The following MICAL2 variants were observed in gnomAD, a reference collection of about 807,000 sequenced individuals.
The protein encoded by MICAL2 is microtubule associated monooxygenase, calponin and LIM domain containing 2.
Under a neutral mutation model 127.3 loss-of-function variants are expected in MICAL2, and 77 were observed. That is an observed-to-expected ratio of 0.60 (90% CI 0.50 to 0.73). The LOEUF (loss-of-function observed/expected upper bound fraction) is 0.73. MICAL2 is among the 30% of genes least tolerant of loss of function. The pLI, the probability that MICAL2 is intolerant of heterozygous loss-of-function variation, is 0.00. For synonymous variants in MICAL2, 570 were observed against 551.1 expected (o/e 1.03, Z -0.48); for missense variants, 1,351 against 1,434.4 (o/e 0.94, Z 0.94).
In MICAL2 at chr11:12,244,349, A is replaced by G. The variant is rs528844173; in HGVS notation, c.2784+237A>G. Among the ~76,000 whole-genome samples the G allele has an allele frequency of 1.5e-4, 23 of 152,360 alleles. No homozygotes were observed. The South Asian group carries it at 2.3e-3, about 15-fold the overall frequency. ...CTCATTCATTCAGCAAGCATTAATC[A>G]GGGCCCACCGTATGCCACCCTTCGT... On this transcript the variant is annotated intron_variant, in intron 21 of 27. Coordinates refer to ENST00000683283, the MANE Select transcript of MICAL2 (RefSeq NM_001282663.2).
chr11:12,209,508 C>A lies in MICAL2; in HGVS notation c.601C>A (p.Arg201=). 1 of 1,613,700 alleles carries A rather than the reference C, an allele frequency of 6.2e-7. No homozygotes were observed. Among genetic ancestry groups the A allele is most frequent in the South Asian group, 1.1e-5 (1 of 91,058 alleles). ...EDQENQKIGW[R]AEFLPTDHSL... is the part of the protein sequence containing the mutation. ...CTCTGTCCTGGTAGAAATTGGCTGG[C>A]GGGCAGAATTTCTCCCTACAGACCA... The change falls in exon 6 of 28, where the codon CGG becomes AGG. Residue 201 remains arginine, a synonymous_variant. Coordinates refer to ENST00000683283, the MANE Select transcript of MICAL2 (RefSeq NM_001282663.2).
chr11:12,238,433 A>G (rs1859400807), intron 16 of MICAL2, among the ~76,000 whole-genome samples: 2 of 152,362 alleles, frequency 1.3e-5, no homozygotes, highest in African/African-American at 4.8e-5. Flanking sequence ...AGTCACGTTG[A>G]TATCATGCAG....
intron 29 of MICAL2, among the ~76,000 whole-genome samples, chr11:12,311,017 A>G (rs1054644443): frequency 6.6e-6 from 1 of 152,128 alleles, no homozygotes; most frequent in Non-Finnish European, 1.5e-5. Flanking sequence ...AATGCTACCA[A>G]TTTTTATATA....
intron 32 of MICAL2, among the ~76,000 whole-genome samples, chr11:12,342,189 T>C (rs536132475): frequency 3.5e-4 from 54 of 152,368 alleles, no homozygotes; most frequent in African/African-American, 1.2e-3. Context: ...CAGAGGCTGC[T>C]TGCCTTTTGG....
At chr11:12,331,171 C>T (rs1864424060) in intron 32 of MICAL2, among the ~76,000 whole-genome samples, 1 of 152,102 alleles carries the variant, frequency 6.6e-6, no homozygotes, top group Non-Finnish European at 1.5e-5. Context: ...ATACTAGGGG[C>T]ATGGAATACC....
downstream of MICAL2, chr11:12,294,317 G>A (rs748026726): frequency 2.5e-6 from 4 of 1,614,202 alleles, no homozygotes; most frequent in East Asian, 8.9e-5. Flanking sequence ...GAAGGCCTGG[G>A]CCAAGCAAGA....
chr11:12,190,749 G>A (rs1361384750), intron 3 of MICAL2, among the ~76,000 whole-genome samples: 5 of 152,204 alleles, frequency 3.3e-5, no homozygotes, highest in Admixed American at 6.5e-5. Context: ...AATAGCATGA[G>A]TCCAGAGTTG....
intron 1 of MICAL2, among the ~76,000 whole-genome samples, chr11:12,280,597 C>A (rs4463828): frequency 0.29 from 43,836 of 152,080 alleles, 7,013 homozygotes; most frequent in East Asian, 0.58. Flanking sequence ...CCTTCTGTGC[C>A]TGTGTGTGTC....
intron 16 of MICAL2, among the ~76,000 whole-genome samples, chr11:12,236,526 G>A (rs920393887): frequency 2.0e-5 from 3 of 152,212 alleles, no homozygotes; most frequent in Non-Finnish European, 2.9e-5. Flanking sequence ...GACTTTTAAA[G>A]ATGAATAAGA....
intron 2 of MICAL2, among the ~76,000 whole-genome samples, chr11:12,156,260 T>C (rs1441874923): frequency 1.3e-5 from 2 of 152,104 alleles, no homozygotes; most frequent in African/African-American, 4.8e-5. Flanking sequence ...CCTTTCGTAG[T>C]AGGGGTTTCA....
chr11:12,164,260 T>C (rs893605270), intron 3 of MICAL2, among the ~76,000 whole-genome samples: 2 of 152,212 alleles, frequency 1.3e-5, no homozygotes, highest in Non-Finnish European at 2.9e-5. Flanking sequence ...TTAGGGATGC[T>C]GGGTAAGGTG....
intron 15 of MICAL2, among the ~76,000 whole-genome samples, chr11:12,228,821 G>C (rs2134353223): frequency 6.6e-6 from 1 of 152,184 alleles, no homozygotes; most frequent in East Asian, 1.9e-4. Flanking sequence ...CAGAGTTCTA[G>C]GACTGGAGTG....
At chr11:12,222,044 C>G (rs1203633710) in intron 10 of MICAL2, among the ~76,000 whole-genome samples, 1 of 152,176 alleles carries the variant, frequency 6.6e-6, no homozygotes, top group Non-Finnish European at 1.5e-5. Flanking sequence ...CCCAGCATTG[C>G]TCATTCACCG....
At chr11:12,249,104 C>T in intron 21 of MICAL2, 80 bp from the exon 22 acceptor site, 14 of 1,581,372 alleles carry the variant, frequency 8.9e-6, no homozygotes, top group Non-Finnish European at 1.2e-5. Flanking sequence ...TCCTGTAAAG[C>T]TTCTCTTTCC....
intron 2 of MICAL2, among the ~76,000 whole-genome samples, chr11:12,139,567 G>C (rs941775913): frequency 6.6e-6 from 1 of 152,154 alleles, no homozygotes; most frequent in Non-Finnish European, 1.5e-5. Context: ...GGGATCACGT[G>C]GGGTGAGGAG....
chr11:12,359,198 T>C (rs891420036), downstream of MICAL2: 3 of 152,478 alleles, frequency 2.0e-5, no homozygotes, highest in Non-Finnish European at 4.4e-5. Flanking sequence ...GGATTGTTAG[T>C]GTTCACCAAA....
chr11:12,352,258 T>A (rs1017971034), intron 33 of MICAL2, among the ~76,000 whole-genome samples: 2 of 152,302 alleles, frequency 1.3e-5, no homozygotes, highest in East Asian at 1.9e-4. Flanking sequence ...GTGTAAAAAA[T>A]TTATCAAGCA....
chr11:12,331,942 G>A (rs1938640745), intron 32 of MICAL2, among the ~76,000 whole-genome samples: 1 of 152,042 alleles, frequency 6.6e-6, no homozygotes, highest in Non-Finnish European at 1.5e-5. Flanking sequence ...ACATTCATTT[G>A]TAACTATACT....
chr11:12,144,168 T>A (rs980663292), intron 2 of MICAL2, among the ~76,000 whole-genome samples: 2 of 152,242 alleles, frequency 1.3e-5, no homozygotes, highest in African/African-American at 4.8e-5. Context: ...CCCTATCTGC[T>A]GCCCGTGGGT....
Sources: allele counts gnomAD v4.1 joint callset (sites outside exome capture counted in the v4.1 genomes callset), GRCh38; gene constraint gnomAD v4.1.1; transcripts MANE v1.5; gene names NCBI Gene and HGNC (gene_info 2026-07-23, HGNC 2026-07-21).